The following DPY19L2 variants were observed in gnomAD, a reference collection of about 807,000 sequenced individuals.
DPY19L2 encodes the protein probable C-mannosyltransferase DPY19L2.
A neutral mutation model predicts 97.9 loss-of-function variants in DPY19L2; 34 were observed. The observed-to-expected ratio is 0.35, with a 90% CI of 0.26 to 0.46. DPY19L2 has a LOEUF of 0.46. DPY19L2 is among the 20% of genes least tolerant of loss of function. The pLI is 1.00. For missense variants in DPY19L2, 623 were observed against 911.4 expected, an observed-to-expected ratio of 0.68 and a Z score of 4.07; for synonymous variants, 230 against 307.9, an observed-to-expected ratio of 0.75 and a Z score of 2.65.
In DPY19L2 at chr12:63,595,994, A is replaced by G. The variant is rs746748059; in HGVS notation, c.1505T>C (p.Met502Thr). The G allele has an allele frequency of 6.3e-6, 10 of 1,598,828 alleles. No individual in the cohort carries two copies. Among genetic ancestry groups the G allele is most frequent in the African/African-American group, 5.4e-5 (4 of 74,138 alleles). ...YTKTLLLPVV[M>T]VITCFIFKKT... Reference sequence around the variant, plus strand: ...TTTAAAGATAAAACATGTAATCACCATAACAACTGGAAGCAATAATGTCTT... The same window carrying G: ...TTTAAAGATAAAACATGTAATCACCGTAACAACTGGAAGCAATAATGTCTT... The change falls in exon 15 of 22, where the codon ATG (methionine) becomes ACG (threonine). Residue 502 changes from methionine (M) to threonine (T), a missense_variant. Physicochemically the swap from Met to Thr is moderately conservative, Grantham distance 81. This residue lies in a region of DPY19L2 where 294 missense variants were observed against 446.2 expected (regional missense o/e 0.66). Coordinates refer to ENST00000324472, the MANE Select transcript of DPY19L2 (RefSeq NM_173812.5).
intron 6 of DPY19L2, among the ~76,000 whole-genome samples, chr12:63,633,938 T>G (rs1256365660): frequency 2.0e-5 from 3 of 152,054 alleles, no homozygotes; most frequent in African/African-American, 7.3e-5. Context: ...CTGGAAACCA[T>G]CATTCTCAGC....
intron 15 of DPY19L2, among the ~76,000 whole-genome samples, chr12:63,594,464 A>AGTGTGTGTGTGTAT (rs1555189199): frequency 8.0e-6 from 1 of 124,932 alleles, no homozygotes; most frequent in East Asian, 2.2e-4. Context: ...AGAGAGAGAT[A>AGTGTGTGTGTGTAT]GTGTGTGTGT....
intron 6 of DPY19L2, among the ~76,000 whole-genome samples, chr12:63,639,303 A>T (rs1175577896): frequency 3.9e-5 from 6 of 152,172 alleles, no homozygotes; most frequent in South Asian, 2.1e-4. Context: ...GGACTTCATG[A>T]CTAAAACACC....
At chr12:63,597,780 G>A (rs1884491212) in intron 14 of DPY19L2, 29 bp downstream of exon 14, 2 of 1,582,818 alleles carry the variant, frequency 1.3e-6, no homozygotes, top group Non-Finnish European at 1.7e-6. Flanking sequence ...ACTCATATTA[G>A]TAGAGAAGGA....
At chr12:63,590,839 G>A (rs969160369) in intron 16 of DPY19L2, among the ~76,000 whole-genome samples, 14 of 151,888 alleles carry the variant, frequency 9.2e-5, no homozygotes, top group African/African-American at 2.7e-4. Flanking sequence ...GATTTAACCC[G>A]GAACCCTCTG....
chr12:63,613,277 A>G (rs1265316891), intron 11 of DPY19L2, among the ~76,000 whole-genome samples: 1 of 152,194 alleles, frequency 6.6e-6, no homozygotes, highest in East Asian at 1.9e-4. Context: ...ATCCCACAAA[A>G]AATAATAAAA....
At chr12:63,665,472 C>CA (rs760781422) in intron 2 of DPY19L2, among the ~76,000 whole-genome samples, 2,103 of 94,678 alleles carry the variant, frequency 0.022, 22 homozygotes, top group Non-Finnish European at 0.034. Flanking sequence ...GACTCTGTCT[C>CA]AAAAAAAAAA....
chr12:63,567,572 G>A (rs1263977628), intron 21 of DPY19L2, among the ~76,000 whole-genome samples: 19 of 152,098 alleles, frequency 1.2e-4, no homozygotes, highest in South Asian at 6.2e-4. Flanking sequence ...GAAGAAAAAC[G>A]TATAGTGATT....
At chr12:63,666,707 T>A (rs1896384647) in intron 1 of DPY19L2, 1 of 179,142 alleles carries the variant, frequency 5.6e-6, no homozygotes, top group Non-Finnish European at 1.2e-5. Flanking sequence ...TTGAAGAAAA[T>A]GATTTTGATA....
intron 12 of DPY19L2, among the ~76,000 whole-genome samples, chr12:63,607,253 T>C (rs548651923): frequency 3.9e-5 from 6 of 152,278 alleles, no homozygotes; most frequent in Admixed American, 6.5e-5. Context: ...CACTCTTCTA[T>C]TTATTGTCAT....
chr12:63,608,131 G>C (rs1886366814), intron 12 of DPY19L2, among the ~76,000 whole-genome samples: 1 of 152,140 alleles, frequency 6.6e-6, no homozygotes, highest in Non-Finnish European at 1.5e-5. Context: ...GTTCAAATTA[G>C]AAGGGGCTGG....
intron 4 of DPY19L2, among the ~76,000 whole-genome samples, chr12:63,649,974 C>A (rs1314665938): frequency 6.6e-6 from 1 of 152,100 alleles, no homozygotes. Flanking sequence ...TAATCCACCA[C>A]AATCAAGTAG....
chr12:63,633,131 T>A (rs887996738), intron 6 of DPY19L2, among the ~76,000 whole-genome samples: 3 of 152,050 alleles, frequency 2.0e-5, no homozygotes, highest in African/African-American at 7.2e-5. Context: ...AACCTAGGCA[T>A]TACCATTCAG....
intron 4 of DPY19L2, among the ~76,000 whole-genome samples, chr12:63,658,241 T>A (rs557617123): frequency 4.9e-4 from 74 of 152,274 alleles, no homozygotes; most frequent in Non-Finnish European, 9.6e-4. Flanking sequence ...ACGCCTGTAA[T>A]CCCAGCACTT....
intron 15 of DPY19L2, among the ~76,000 whole-genome samples, chr12:63,594,464 A>AGTGTGT (rs539673870): frequency 0.032 from 4,057 of 125,002 alleles, 106 homozygotes; most frequent in Middle Eastern, 0.071. Context: ...AGAGAGAGAT[A>AGTGTGT]GTGTGTGTGT....
rs1334655471 is a variant in DPY19L2, at chr12:63,559,958, A to C, written c.*554T>G. On this transcript the variant is annotated 3_prime_UTR_variant, in exon 22 of 22. Transcript: ENST00000324472. Reference sequence around the variant, plus strand: ...AAACACTTCAACTTGAAATTATTAAAAAAAAGTATTAAAAGGTATTAGAGA... The same window carrying C: ...AAACACTTCAACTTGAAATTATTAACAAAAAGTATTAAAAGGTATTAGAGA... The C allele has an allele frequency of 6.6e-6, 1 of 152,206 alleles. No individual in the cohort carries two copies. Among genetic ancestry groups the C allele is most frequent in the Non-Finnish European group, 1.5e-5 (1 of 68,040 alleles). 9.4% of individuals were successfully genotyped at this position (152,206 alleles called of 1,614,324 possible).
At chr12:63,656,319 G>T (rs551149397) in intron 4 of DPY19L2, among the ~76,000 whole-genome samples, 13 of 152,282 alleles carry the variant, frequency 8.5e-5, no homozygotes, top group African/African-American at 3.1e-4. Flanking sequence ...CTCAAATGAA[G>T]CCCTTGGTGC....
In DPY19L2 at chr12:63,658,000, G is replaced by C. The variant is rs544664224; in HGVS notation, c.588+3344C>G. On this transcript the variant is annotated intron_variant, in intron 4 of 21. Coordinates refer to ENST00000324472, the MANE Select transcript of DPY19L2 (RefSeq NM_173812.5). ...TTGAGTTGGTTGTCCTCTGACTTCA[G>C]TTTTCTGAAGGGTTCAAGAAAAGGT... Among the ~76,000 whole-genome samples the C allele has an allele frequency of 1.3e-4, 20 of 152,210 alleles. 1 individual carries two copies. The South Asian group carries it at 3.9e-3, about 30-fold the overall frequency.
intron 21 of DPY19L2, among the ~76,000 whole-genome samples, chr12:63,566,047 T>C (rs1219375180): frequency 3.3e-5 from 5 of 152,088 alleles, no homozygotes; most frequent in Non-Finnish European, 5.9e-5. Flanking sequence ...CCATTCTTTT[T>C]CCTTCAGCCA....
Sources: gnomAD v4.1 joint callset for allele counts (sites outside exome capture counted in the v4.1 genomes callset) on GRCh38, gnomAD v4.1.1 for gene constraint, gnomAD v4.1.1 regional missense constraint, MANE v1.5 for transcripts, NCBI Gene and HGNC (gene_info 2026-07-23, HGNC 2026-07-21) for gene names.